Variants in SPEF2 observed in about 807,000 individuals in gnomAD.
The protein encoded by SPEF2 is sperm flagella and cilia-associated protein 2.
SPEF2 carries 187 observed loss-of-function variants against 224.6 expected under a neutral mutation model. The observed-to-expected ratio is 0.83, with a 90% CI of 0.74 to 0.94. SPEF2 has a LOEUF of 0.94. SPEF2 is among the 40% of genes least tolerant of loss of function. SPEF2 has a pLI of 0.00. For synonymous variants in SPEF2, 715 were observed against 707.3 expected, an observed-to-expected ratio of 1.01 and a Z score of -0.17; for missense variants, 2,170 against 2,135.6, an observed-to-expected ratio of 1.02 and a Z score of -0.32.
chr5:35,747,000 G>T (rs1333478423), intron 23 of SPEF2, among the ~76,000 whole-genome samples: 1 of 152,142 alleles, frequency 6.6e-6, no homozygotes, highest in African/African-American at 2.4e-5. Flanking sequence ...AGCTAGAAGG[G>T]ATTAGGGCCC....
At chr5:35,765,142 C>A (rs1344876846) in intron 26 of SPEF2, among the ~76,000 whole-genome samples, 1 of 152,010 alleles carries the variant, frequency 6.6e-6, no homozygotes, top group Admixed American at 6.6e-5. Context: ...GTTTTATTAC[C>A]CAAGTCTATA....
intron 33 of SPEF2, 78 bp from the exon 34 acceptor site, chr5:35,799,890 G>A (rs2149851835): frequency 1.3e-6 from 2 of 1,505,398 alleles, no homozygotes; most frequent in East Asian, 4.5e-5. Context: ...AAGCTCCTGG[G>A]GAGATTCTTC....
At chr5:35,676,627 G>A (rs896519536) in intron 10 of SPEF2, among the ~76,000 whole-genome samples, 8 of 152,010 alleles carry the variant, frequency 5.3e-5, no homozygotes, top group African/African-American at 1.9e-4. Context: ...TACTTGGGAG[G>A]CTAAGGCACA....
chr5:35,668,224 C>G (rs547662440), intron 9 of SPEF2, among the ~76,000 whole-genome samples: 1 of 152,200 alleles, frequency 6.6e-6, no homozygotes, highest in Admixed American at 6.5e-5. Flanking sequence ...TTTATATCAC[C>G]TTTATTTGTA....
chr5:35,638,191 T>TCTA (rs1422808675), intron 2 of SPEF2, among the ~76,000 whole-genome samples: 1 of 151,992 alleles, frequency 6.6e-6, no homozygotes, highest in Non-Finnish European at 1.5e-5. Flanking sequence ...TTAATGAATG[T>TCTA]CTACATTTCC....
chr5:35,735,666 A>G (rs1039811950), intron 21 of SPEF2, among the ~76,000 whole-genome samples: 1 of 152,244 alleles, frequency 6.6e-6, no homozygotes, highest in Admixed American at 6.5e-5. Context: ...TGCGCAGCCA[A>G]TAAGGGAATA....
rs149168659 is a variant in SPEF2 at position 35,751,313 on chromosome 5, G to A, written c.3331-2311G>A. On this transcript the variant is annotated intron_variant, in intron 23 of 36. Coordinates refer to ENST00000356031, the MANE Select transcript of SPEF2 (RefSeq NM_024867.4). ...TGATACAATGGACTTTGGGGACTTG[G>A]GGGGAAGAGTGGGAGGGGGGTGAAG... is the stretch of plus-strand genomic sequence containing the variant. Among the ~76,000 whole-genome samples the A allele has an allele frequency of 4.7e-3, 685 of 145,476 alleles. 11 individuals carry two copies. The highest frequency in any genetic ancestry group is 6.1e-3 in the Non-Finnish European group (408 of 66,480).
chr5:35,732,592 C>A (rs1322735890), intron 21 of SPEF2, among the ~76,000 whole-genome samples: 1 of 152,076 alleles, frequency 6.6e-6, no homozygotes, highest in Admixed American at 6.6e-5. Context: ...CATACAGTCT[C>A]CAAAAAATTT....
intron 34 of SPEF2, among the ~76,000 whole-genome samples, chr5:35,804,717 A>T (rs757985921): frequency 2.7e-4 from 32 of 118,560 alleles, no homozygotes; most frequent in Non-Finnish European, 4.3e-4. Context: ...CTTAAATTTT[A>T]AAAAAAAATC....
chr5:35,712,815 C>T lies in SPEF2; in HGVS notation c.2843C>T (p.Ala948Val). 1 of 1,613,670 alleles carries T rather than the reference C, an allele frequency of 6.2e-7. No homozygotes were observed. Among genetic ancestry groups the T allele is most frequent in the South Asian group, 1.1e-5 (1 of 91,020 alleles). Residue 948 changes from alanine to valine, a missense_variant, in exon 20 of 37, where the codon GCC (alanine) becomes GTC (valine). By Grantham distance (64) the Ala-to-Val change is moderately conservative. Coordinates refer to ENST00000356031, the MANE Select transcript of SPEF2 (RefSeq NM_024867.4). ...PTAKGKPQSE[A>V]PHGKQESLQE... is the part of the protein sequence containing the mutation. ...TTGTGTGTCGAATTTTGTTTAGAAG[C>T]CCCGCATGGTAAGCAAGAATCTCTT... is the stretch of plus-strand genomic sequence containing the variant.
intron 10 of SPEF2, chr5:35,671,047 G>A: frequency 1.0e-6 from 1 of 985,332 alleles, no homozygotes; most frequent in South Asian, 4.7e-5. Context: ...GAAATTTTGA[G>A]TGGATCAACA....
In SPEF2 at chr5:35,740,222, G is replaced by C; in HGVS notation, c.3285G>C (p.Leu1095=). 6.2e-7 allele frequency: 1 copy of C among 1,614,128 alleles called. No homozygotes were observed. Among genetic ancestry groups the C allele is most frequent in the Non-Finnish European group, 8.5e-7 (1 of 1,180,012 alleles). Residue 1095 remains leucine (L), a synonymous_variant, in exon 23 of 37, where the codon CTG becomes CTC. Coordinates refer to ENST00000356031, the MANE Select transcript of SPEF2 (RefSeq NM_024867.4). ...QADFNSLPDD[L]WDDEETKAEL... is the part of the protein sequence containing the mutation. Reference sequence around the variant, plus strand: ...ATTTCAACTCCCTTCCTGATGACCTGTGGGATGATGAGGAAACAAAGGCTG... The same window carrying C: ...ATTTCAACTCCCTTCCTGATGACCTCTGGGATGATGAGGAAACAAAGGCTG...
At chr5:35,788,852 T>C (rs1292424128) in intron 30 of SPEF2, 1 of 702,854 alleles carries the variant, frequency 1.4e-6, no homozygotes, top group Non-Finnish European at 2.6e-6. Context: ...TCACAGCATT[T>C]ATCACTTTTA....
intron 1 of SPEF2, among the ~76,000 whole-genome samples, chr5:35,625,192 C>T (rs978495572): frequency 6.6e-6 from 1 of 152,156 alleles, no homozygotes; most frequent in African/African-American, 2.4e-5. Flanking sequence ...TTGATACTTA[C>T]AGATTTTTTA....
chr5:35,709,524 A>G, intron 19 of SPEF2: 1 of 988,808 alleles, frequency 1.0e-6, no homozygotes, highest in Non-Finnish European at 1.2e-6. Context: ...GTTTTCCACC[A>G]GAATAAGGGA....
At chr5:35,803,734 C>T (rs563082368) in intron 34 of SPEF2, among the ~76,000 whole-genome samples, 1 of 152,308 alleles carries the variant, frequency 6.6e-6, no homozygotes, top group South Asian at 2.1e-4. Flanking sequence ...GAAATAACAC[C>T]TCTAGCAGAT....
Position 35,646,697 on chromosome 5 carries a change from A to G in SPEF2, c.616A>G (p.Ile206Val), listed in dbSNP as rs1167678054. The G allele has an allele frequency of 1.2e-6, 2 of 1,613,882 alleles. No individual in the cohort carries two copies. The highest frequency in any genetic ancestry group is 2.2e-5 in the South Asian group (2 of 91,032). Residue 206 changes from isoleucine to valine, a missense_variant, in exon 5 of 37, where the codon ATA (isoleucine) becomes GTA (valine). Coordinates refer to ENST00000356031, the MANE Select transcript of SPEF2 (RefSeq NM_024867.4). ...QYLNRRRQNEIMAKIQAAIIQ... is the reference protein window; with the variant it reads ...QYLNRRRQNEVMAKIQAAIIQ... ...CTTAAACAGAAGACGACAAAATGAA[A>G]TAATGGCCAAAATCCAAGCAGCTAT... is the stretch of plus-strand genomic sequence containing the variant.
At chr5:35,751,078 TACACACACAC>T (rs1180305756) in intron 23 of SPEF2, among the ~76,000 whole-genome samples, 1 of 22,648 alleles carries the variant, frequency 4.4e-5, no homozygotes, top group Non-Finnish European at 1.0e-4. Flanking sequence ...TATATATATA[TACACACACAC>T]ACACACACAT....
At chr5:35,623,652 A>T (rs1743823826) in intron 1 of SPEF2, among the ~76,000 whole-genome samples, 1 of 152,270 alleles carries the variant, frequency 6.6e-6, no homozygotes, top group South Asian at 2.1e-4. Flanking sequence ...CCAGTGGGGG[A>T]GTTATAGCCT....
Sources: allele counts gnomAD v4.1 joint callset (sites outside exome capture counted in the v4.1 genomes callset), GRCh38; gene constraint gnomAD v4.1.1; transcripts MANE v1.5; gene names NCBI Gene and HGNC (gene_info 2026-07-23, HGNC 2026-07-21).